DENND1A: variants seen among roughly 807,000 people sequenced by gnomAD.
DENND1A encodes DENN domain containing 1A.
DENND1A carries 51 observed loss-of-function variants against 113.7 expected under a neutral mutation model. The observed-to-expected ratio is 0.45, with a 90% CI of 0.36 to 0.57. The LOEUF (loss-of-function observed/expected upper bound fraction) is 0.57, where lower values mean the gene tolerates loss of function less well. Among genes scored for constraint, DENND1A ranks in the 20% least tolerant of loss-of-function variants. The pLI, the probability that DENND1A is intolerant of heterozygous loss-of-function variation, is 0.00. For missense variants in DENND1A, 1,258 were observed against 1,395.9 expected, an observed-to-expected ratio of 0.90 and a Z score of 1.57; for synonymous variants, 565 against 570.8, an observed-to-expected ratio of 0.99 and a Z score of 0.14.
intron 5 of DENND1A, among the ~76,000 whole-genome samples, chr9:123,738,835 T>C (rs1280150512): frequency 6.6e-6 from 1 of 152,202 alleles, no homozygotes; most frequent in Admixed American, 6.5e-5. Context: ...CACCTTTGGC[T>C]AGAAAATACT....
At chr9:123,454,659 A>C (rs1174559971) in intron 16 of DENND1A, 80 bp downstream of exon 16, 7 of 1,397,568 alleles carry the variant, frequency 5.0e-6, no homozygotes, top group Non-Finnish European at 6.0e-6. Flanking sequence ...CCAGGATGGA[A>C]GGGGAAGCAC....
chr9:123,681,853 C>T (rs1046087348), intron 5 of DENND1A, among the ~76,000 whole-genome samples: 22 of 151,626 alleles, frequency 1.5e-4, no homozygotes, highest in African/African-American at 5.3e-4. Context: ...TAATAGGAAC[C>T]TGGGCTCCTT....
intron 2 of DENND1A, among the ~76,000 whole-genome samples, chr9:123,847,865 C>T (rs10818881): frequency 0.067 from 10,139 of 152,076 alleles, 461 homozygotes; most frequent in African/African-American, 0.13. Context: ...AACCAGGAGG[C>T]GGAGGTTGCA....
intron 2 of DENND1A, among the ~76,000 whole-genome samples, chr9:123,871,055 C>T (rs1846526757): frequency 1.3e-5 from 2 of 152,014 alleles, no homozygotes; most frequent in African/African-American, 4.8e-5. Context: ...CCCGCCATAC[C>T]ACTTCTCAGG....
rs10542393 is a variant in DENND1A, at chr9:123,506,580, CAAAAAA to C, written c.994-48689_994-48684del. 4.1e-3 allele frequency among the ~76,000 whole-genome samples: 304 copies of C among 73,908 alleles called. 2 individuals are homozygous for C. Among genetic ancestry groups the C allele is most frequent in the African/African-American group, 0.016 (292 of 18,806 alleles). 48.5% of individuals were successfully genotyped at this position (73,908 alleles called of 152,430 possible). ...CTGGTGACAGAGTGAGACTCTGTCT[CAAAAAA>C]AAAAAAAAAAAAAAAAAAGAATTAT... is the stretch of plus-strand genomic sequence containing the variant. On this transcript the variant is annotated intron_variant, in intron 13 of 23. Coordinates refer to ENST00000394215, the MANE Select transcript of DENND1A (RefSeq NM_001352964.2).
At chr9:123,760,080 A>G (rs2070908821) in intron 4 of DENND1A, among the ~76,000 whole-genome samples, 1 of 152,248 alleles carries the variant, frequency 6.6e-6, no homozygotes, top group African/African-American at 2.4e-5. Context: ...AGAATTCAAC[A>G]CTGAGTTATT....
chr9:123,577,371 C>T (rs1473797860), intron 12 of DENND1A, among the ~76,000 whole-genome samples: 2 of 151,876 alleles, frequency 1.3e-5, no homozygotes, highest in Non-Finnish European at 2.9e-5. Context: ...TCAGGTCTTC[C>T]TTTAAATTCA....
intron 13 of DENND1A, among the ~76,000 whole-genome samples, chr9:123,552,868 A>G (rs1161232979): frequency 1.3e-5 from 2 of 152,268 alleles, no homozygotes; most frequent in Non-Finnish European, 2.9e-5. Context: ...ATGTCAAGGA[A>G]TCCGCCTAAG....
At chr9:123,509,658 T>C (rs1417216550) in intron 13 of DENND1A, among the ~76,000 whole-genome samples, 1 of 152,186 alleles carries the variant, frequency 6.6e-6, no homozygotes, top group East Asian at 1.9e-4. Context: ...AGCCTGAACA[T>C]GAGATGAGAG....
intron 9 of DENND1A, among the ~76,000 whole-genome samples, chr9:123,631,167 G>C (rs1309162332): frequency 2.6e-5 from 4 of 152,068 alleles, no homozygotes; most frequent in Non-Finnish European, 5.9e-5. Context: ...ATGAAGGATG[G>C]AGGCTCTTTA....
intron 2 of DENND1A, among the ~76,000 whole-genome samples, chr9:123,818,557 C>CAT (rs1837937795): frequency 7.6e-6 from 1 of 132,276 alleles, no homozygotes; most frequent in African/African-American, 2.7e-5. Context: ...CACACACACA[C>CAT]ACACACACAC....
At chr9:123,623,858 G>T (rs1405290523) in intron 10 of DENND1A, among the ~76,000 whole-genome samples, 1 of 152,182 alleles carries the variant, frequency 6.6e-6, no homozygotes, top group African/African-American at 2.4e-5. Context: ...CAACAGCAGG[G>T]TCTGGGCTCA....
intron 16 of DENND1A, 38 bp from the exon 17 acceptor site, chr9:123,452,385 ACAGAGT>A: frequency 6.4e-7 from 1 of 1,558,916 alleles, no homozygotes; most frequent in East Asian, 2.2e-5. Context: ...TGGGCTGAAG[ACAGAGT>A]CATCCAACAC....
intron 13 of DENND1A, among the ~76,000 whole-genome samples, chr9:123,465,461 AG>A (rs2048872064): frequency 1.3e-5 from 2 of 152,128 alleles, no homozygotes; most frequent in Admixed American, 1.3e-4. Context: ...TGACTGTACT[AG>A]CTATGTGCTC....
At chr9:123,710,717 G>A (rs1477758011) in intron 5 of DENND1A, among the ~76,000 whole-genome samples, 3 of 148,988 alleles carry the variant, frequency 2.0e-5, no homozygotes, top group Non-Finnish European at 4.4e-5. Flanking sequence ...TTGTTGCCCA[G>A]GCTGGAGTGC....
chr9:123,781,128 T>C (rs935520434), intron 3 of DENND1A, among the ~76,000 whole-genome samples: 4 of 152,152 alleles, frequency 2.6e-5, no homozygotes, highest in Non-Finnish European at 5.9e-5. Flanking sequence ...AGATAAAGCC[T>C]TTCTCCAACC....
chr9:123,607,520 C>CAG lies in DENND1A; in HGVS notation c.765+1914_765+1915dup, dbSNP rs33997878. On this transcript the variant is annotated intron_variant, in intron 11 of 23. Transcript: ENST00000394215. ...ACACACACACACACACACACACACA[C>CAG]AGAGAGAGAGAGAGAGAGAGAGAGA... 8.0e-3 allele frequency among the ~76,000 whole-genome samples: 593 copies of CAG among 73,726 alleles called. 6 individuals are homozygous for CAG. Among genetic ancestry groups the CAG allele is most frequent in the Non-Finnish European group, 0.01 (394 of 38,370 alleles). 48.4% of individuals were successfully genotyped at this position (73,726 alleles called of 152,430 possible). A position where few individuals can be genotyped will look rare whatever the true frequency, so the allele number is the denominator to read the frequency against.
chr9:123,739,986 C>T (rs2068868644), intron 5 of DENND1A, among the ~76,000 whole-genome samples: 1 of 151,334 alleles, frequency 6.6e-6, no homozygotes, highest in African/African-American at 2.4e-5. Context: ...GTTAGAGTCA[C>T]ATAATGTACA....
chr9:123,436,308 T>C (rs1375902121), intron 19 of DENND1A, among the ~76,000 whole-genome samples: 2 of 152,252 alleles, frequency 1.3e-5, no homozygotes, highest in Admixed American at 1.3e-4. Flanking sequence ...TCCTCCTTGC[T>C]AGGAGTCTAT....
Sources: gnomAD v4.1 joint callset for allele counts (sites outside exome capture counted in the v4.1 genomes callset) on GRCh38, gnomAD v4.1.1 for gene constraint, MANE v1.5 for transcripts, NCBI Gene and HGNC (gene_info 2026-07-23, HGNC 2026-07-21) for gene names.